Variants in FRMD4A observed in about 807,000 individuals in gnomAD.
FRMD4A encodes the protein FERM domain containing 4A.
A neutral mutation model predicts 129.1 loss-of-function variants in FRMD4A; 29 were observed. That is an observed-to-expected ratio of 0.22 (90% CI 0.17 to 0.31). The LOEUF (loss-of-function observed/expected upper bound fraction) is 0.31, where lower values mean the gene tolerates loss of function less well. FRMD4A is among the 10% of genes least tolerant of loss of function. The pLI, the probability that FRMD4A is intolerant of heterozygous loss-of-function variation, is 1.00. For missense variants in FRMD4A, 1,272 were observed against 1,375.8 expected (o/e 0.92, Z 1.19); for synonymous variants, 634 against 571.6 (o/e 1.11, Z -1.56).
chr10:14,047,591 C>T (rs1834042551), intron 2 of FRMD4A, among the ~76,000 whole-genome samples: 1 of 152,212 alleles, frequency 6.6e-6, no homozygotes, highest in Admixed American at 6.5e-5. Context: ...TTCTCTCCTC[C>T]TCCTGTTCCC....
intron 3 of FRMD4A, among the ~76,000 whole-genome samples, chr10:13,825,944 G>A (rs2093694445): frequency 6.6e-6 from 1 of 152,230 alleles, no homozygotes; most frequent in South Asian, 2.1e-4. Context: ...TAACTGTGCT[G>A]TGATTCTCCT....
intron 3 of FRMD4A, among the ~76,000 whole-genome samples, chr10:13,814,663 CAGAG>C (rs1396532027): frequency 1.8e-5 from 2 of 113,098 alleles, no homozygotes; most frequent in Non-Finnish European, 1.9e-5. Flanking sequence ...GAGACAGAAA[CAGAG>C]AGCAAGAGAA....
chr10:13,854,312 T>C (rs2094183262), intron 3 of FRMD4A, among the ~76,000 whole-genome samples: 1 of 152,158 alleles, frequency 6.6e-6, no homozygotes, highest in African/African-American at 2.4e-5. Flanking sequence ...ACTTAGGGAG[T>C]TCGGCTGACC....
At chr10:14,208,986 T>G (rs902231008) in intron 2 of FRMD4A, among the ~76,000 whole-genome samples, 1 of 152,144 alleles carries the variant, frequency 6.6e-6, no homozygotes, top group Non-Finnish European at 1.5e-5. Context: ...AGGCCCGTGG[T>G]AGGGAGGCTG....
intron 2 of FRMD4A, among the ~76,000 whole-genome samples, chr10:14,139,931 G>A (rs977764036): frequency 6.6e-6 from 1 of 152,122 alleles, no homozygotes. Context: ...ATAACTAGAA[G>A]ATGGGCTTTC....
intron 3 of FRMD4A, among the ~76,000 whole-genome samples, chr10:13,813,250 G>A (rs992547301): frequency 5.9e-5 from 9 of 152,228 alleles, no homozygotes; most frequent in Non-Finnish European, 1.0e-4. Context: ...TTTGAGACCA[G>A]CCTGGCCAAC....
intron 8 of FRMD4A, among the ~76,000 whole-genome samples, chr10:13,759,757 T>C (rs1309288989): frequency 1.3e-5 from 2 of 152,176 alleles, no homozygotes; most frequent in South Asian, 4.1e-4. Context: ...CGGTAAATGG[T>C]TACTGGCCAC....
chr10:13,963,262 CA>C (rs1157351799), intron 2 of FRMD4A, among the ~76,000 whole-genome samples: 4 of 125,690 alleles, frequency 3.2e-5, no homozygotes, highest in Non-Finnish European at 4.7e-5. Context: ...TTCCTTGGTG[CA>C]AGCCTCTTTT....
At chr10:13,800,212 A>G (rs1564824334) in intron 4 of FRMD4A, among the ~76,000 whole-genome samples, 1 of 152,002 alleles carries the variant, frequency 6.6e-6, no homozygotes, top group African/African-American at 2.4e-5. Flanking sequence ...AAAAAACATG[A>G]CCTATCTCTC....
At chr10:14,266,676 A>C (rs1220144223) in intron 2 of FRMD4A, among the ~76,000 whole-genome samples, 1 of 152,242 alleles carries the variant, frequency 6.6e-6, no homozygotes, top group Non-Finnish European at 1.5e-5. Flanking sequence ...AGAAAAAATC[A>C]TGTTTTTATA....
chr10:14,025,952 C>T (rs149545035), intron 2 of FRMD4A, among the ~76,000 whole-genome samples: 3 of 152,260 alleles, frequency 2.0e-5, no homozygotes, highest in East Asian at 1.9e-4. Context: ...CTCAGGGACA[C>T]GTGGCTGTCA....
At chr10:14,091,487 G>A (rs1836659507) in intron 2 of FRMD4A, among the ~76,000 whole-genome samples, 1 of 152,226 alleles carries the variant, frequency 6.6e-6, no homozygotes, top group South Asian at 2.1e-4. Flanking sequence ...AGGCTGGACT[G>A]CAGTGGTGTG....
intron 2 of FRMD4A, among the ~76,000 whole-genome samples, chr10:14,095,611 G>A (rs1836913592): frequency 6.6e-6 from 1 of 152,182 alleles, no homozygotes; most frequent in Non-Finnish European, 1.5e-5. Context: ...CAGCCTGTGG[G>A]CCAGTGTTGC....
At chr10:14,019,077 T>C (rs187473892) in intron 2 of FRMD4A, among the ~76,000 whole-genome samples, 38 of 152,262 alleles carry the variant, frequency 2.5e-4, no homozygotes, top group East Asian at 2.1e-3. Context: ...AGGAAAAGGA[T>C]TGATCACAGG....
chr10:13,757,836 C>T (rs1215976895), intron 8 of FRMD4A, among the ~76,000 whole-genome samples: 1 of 152,174 alleles, frequency 6.6e-6, no homozygotes, highest in Non-Finnish European at 1.5e-5. Context: ...CTCCGCCTAC[C>T]AGGTTCAAGC....
intron 2 of FRMD4A, among the ~76,000 whole-genome samples, chr10:14,121,641 A>T (rs759582451): frequency 3.9e-5 from 6 of 152,178 alleles, no homozygotes; most frequent in Non-Finnish European, 8.8e-5. Context: ...GGCTGGTCTC[A>T]AACAGGTCGC....
At chr10:13,812,944 T>A (rs2130881180) in intron 3 of FRMD4A, among the ~76,000 whole-genome samples, 1 of 152,208 alleles carries the variant, frequency 6.6e-6, no homozygotes, top group East Asian at 1.9e-4. Context: ...GAGAATGCAG[T>A]GGAGTAAACG....
chr10:14,196,157 A>T (rs1358617281), intron 2 of FRMD4A, among the ~76,000 whole-genome samples: 1 of 123,442 alleles, frequency 8.1e-6, no homozygotes, highest in African/African-American at 3.4e-5. Flanking sequence ...ACTCACATGC[A>T]CACACATACA....
In FRMD4A at chr10:13,891,744, C is replaced by T. The variant is rs1025297705; in HGVS notation, c.46-32832G>A. The T allele has an allele frequency of 2.3e-4, 222 of 983,892 alleles. 2 individuals are homozygous for T. Among genetic ancestry groups the T allele is most frequent in the Middle Eastern group, 5.2e-4 (1 of 1,910 alleles). The allele number at this position is 983,892 out of a possible 1,614,324, so 60.9% of individuals were successfully genotyped here. A position where few individuals can be genotyped will look rare whatever the true frequency, so the allele number is the denominator to read the frequency against. On this transcript the variant is annotated intron_variant, in intron 2 of 24. Transcript: ENST00000357447. ...CTTGGCCTACTAGGCGGCCTTGGCG[C>T]CCGCAGCTGGCGAGCCCCCGCCCCG...
Sources: allele counts gnomAD v4.1 joint callset (sites outside exome capture counted in the v4.1 genomes callset), GRCh38; gene constraint gnomAD v4.1.1; transcripts MANE v1.5; gene names NCBI Gene and HGNC (gene_info 2026-07-23, HGNC 2026-07-21).